ABCG2: variants seen among roughly 807,000 people sequenced by gnomAD.
ABCG2 encodes broad substrate specificity ATP-binding cassette transporter ABCG2.
Under a neutral mutation model 73.5 loss-of-function variants are expected in ABCG2, and 80 were observed. The ratio of observed to expected loss-of-function variants is 1.09; its 90% CI spans 0.91 to 1.31. The LOEUF is 1.31. ABCG2 is among the 50% of genes most tolerant of loss of function. The probability of loss-of-function intolerance (pLI) is 0.00; values close to 1 mark genes in which losing one functional copy is unlikely to be tolerated. For synonymous variants in ABCG2, 269 were observed against 282.4 expected (o/e 0.95, Z 0.48); for missense variants, 796 against 786.2 (o/e 1.01, Z -0.15).
chr4:88,118,087 A>G, intron 7 of ABCG2, 22 bp downstream of exon 7: 1 of 1,607,012 alleles, frequency 6.2e-7, no homozygotes, highest in Non-Finnish European at 8.5e-7. Flanking sequence ...AGCATTTTAC[A>G]GCATAAAAAA....
chr4:88,110,962 T>C (rs573882163), intron 9 of ABCG2, among the ~76,000 whole-genome samples: 2 of 152,290 alleles, frequency 1.3e-5, no homozygotes, highest in East Asian at 1.9e-4. Flanking sequence ...GCTCTGAACA[T>C]GGCTGGAATT....
rs1175580297 is a variant in ABCG2, at chr4:88,099,902, T to C, written c.1368-454A>G. Reference sequence around the variant, plus strand: ...TATTCTCCAAGCCCCCTAGTGCAGCTTCAGATGACTAAGCTCTTCTTACTT... The same window carrying C: ...TATTCTCCAAGCCCCCTAGTGCAGCCTCAGATGACTAAGCTCTTCTTACTT... On this transcript the variant is annotated intron_variant, in intron 11 of 15. Transcript: ENST00000237612. Among the ~76,000 whole-genome samples the C allele has an allele frequency of 2.0e-5, 3 of 152,086 alleles. No individual in the cohort carries two copies. In the East Asian group the frequency reaches 5.8e-4, roughly 29 times the overall value.
intron 1 of ABCG2, among the ~76,000 whole-genome samples, chr4:88,180,178 GA>G: frequency 6.6e-6 from 1 of 152,054 alleles, no homozygotes; most frequent in East Asian, 1.9e-4. Flanking sequence ...AGCAGCAAGA[GA>G]AAGGAAATAA....
chr4:88,186,835 C>T (rs1048957683), intron 1 of ABCG2, among the ~76,000 whole-genome samples: 5 of 143,578 alleles, frequency 3.5e-5, no homozygotes, highest in South Asian at 2.2e-4. Flanking sequence ...AGGAGAATGG[C>T]GTGAACCCGG....
At chr4:88,145,545 AG>A (rs1409795117) in intron 1 of ABCG2, among the ~76,000 whole-genome samples, 1 of 152,178 alleles carries the variant, frequency 6.6e-6, no homozygotes, top group Admixed American at 6.5e-5. Flanking sequence ...CCCGACAGAC[AG>A]GAAGAGACCC....
At chr4:88,160,249 A>AG (rs1727234235), upstream of ABCG2, among the ~76,000 whole-genome samples, 3 of 152,042 alleles carry the variant, frequency 2.0e-5, no homozygotes, top group South Asian at 6.2e-4. Flanking sequence ...CTCAAGAAAA[A>AG]AAAAAAAATT....
intron 7 of ABCG2, among the ~76,000 whole-genome samples, chr4:88,117,889 C>G (rs1723700749): frequency 6.6e-6 from 1 of 152,156 alleles, no homozygotes; most frequent in African/African-American, 2.4e-5. Flanking sequence ...TACACACATG[C>G]ATGCACATTG....
At chr4:88,161,169 A>T (rs1443011685), upstream of ABCG2, among the ~76,000 whole-genome samples, 1,666 of 141,132 alleles carry the variant, frequency 0.012, 34 homozygotes, top group African/African-American at 0.038. Flanking sequence ...TTTTTTTTTA[A>T]TTTTTTTTTT....
At chr4:88,172,241 C>T (rs1055567295) in intron 1 of ABCG2, among the ~76,000 whole-genome samples, 8 of 150,442 alleles carry the variant, frequency 5.3e-5, no homozygotes, top group African/African-American at 7.4e-5. Context: ...TTGCAGTGAG[C>T]CAAGATCACA....
chr4:88,117,561 C>T (rs1393927899), intron 7 of ABCG2, among the ~76,000 whole-genome samples: 4 of 151,942 alleles, frequency 2.6e-5, no homozygotes, highest in African/African-American at 9.7e-5. Flanking sequence ...GGTGTGAACC[C>T]GAGAGGCAGA....
chr4:88,113,854 C>T (rs1450721141), intron 8 of ABCG2, among the ~76,000 whole-genome samples: 1 of 151,924 alleles, frequency 6.6e-6, no homozygotes, highest in Admixed American at 6.6e-5. Context: ...ATCCCAGCCA[C>T]TCAGGAGGCT....
intron 8 of ABCG2, among the ~76,000 whole-genome samples, chr4:88,114,550 C>G (rs1470310245): frequency 1.3e-5 from 2 of 151,090 alleles, no homozygotes; most frequent in African/African-American, 4.9e-5. Context: ...TGGCTTGAAC[C>G]TGGGAGGCGG....
chr4:88,094,705 C>T (rs2231164), intron 14 of ABCG2, 46 bp from the exon 15 acceptor site: 1,207,622 of 1,483,750 alleles, frequency 0.81, 507,112 homozygotes, highest in Non-Finnish European at 0.87. Flanking sequence ...TTTTAAATTT[C>T]AAGAAGTTTC....
chr4:88,122,479 G>A (rs1578199694), intron 5 of ABCG2, among the ~76,000 whole-genome samples: 1 of 152,180 alleles, frequency 6.6e-6, no homozygotes, highest in East Asian at 1.9e-4. Context: ...CTTGAGCTTG[G>A]TGGGGGGAGG....
chr4:88,210,012 T>C (rs1316905362), intron 1 of ABCG2, among the ~76,000 whole-genome samples: 4 of 152,160 alleles, frequency 2.6e-5, no homozygotes, highest in Non-Finnish European at 2.9e-5. Flanking sequence ...ATCTTAAAGA[T>C]GTGTCCTATA....
chr4:88,123,597 G>A (rs773616058), intron 5 of ABCG2, among the ~76,000 whole-genome samples: 11 of 152,070 alleles, frequency 7.2e-5, no homozygotes, highest in East Asian at 3.9e-4. Flanking sequence ...GAAATAAAGC[G>A]TGAAGACAAG....
intron 1 of ABCG2, among the ~76,000 whole-genome samples, chr4:88,141,171 A>G (rs2110057941): frequency 6.6e-6 from 1 of 152,294 alleles, no homozygotes; most frequent in East Asian, 1.9e-4. Context: ...AAGCACAACG[A>G]CAAAAGTAGA....
Position 88,203,741 on chromosome 4 carries a change from C to T in ABCG2, c.-20+27253G>A, listed in dbSNP as rs376857354. Among the ~76,000 whole-genome samples, 296 of 114,400 alleles carry T rather than the reference C, an allele frequency of 2.6e-3. 1 individual carries two copies. The highest frequency in any genetic ancestry group is 9.4e-3 in the African/African-American group (278 of 29,434). The allele number at this position is 114,400 out of a possible 152,430, so 75.1% of individuals were successfully genotyped here. On this transcript the variant is annotated intron_variant, in intron 1 of 15. Transcript: ENST00000515655. ...TGCACTCCAGCCTGGGTGACAACAG[C>T]GAAACTCAGTTTCAAAAAAAAAAAA...
At chr4:88,101,147 T>C in intron 11 of ABCG2, 83 bp downstream of exon 11, 1 of 1,164,806 alleles carries the variant, frequency 8.6e-7, no homozygotes, top group Non-Finnish European at 1.3e-6. Flanking sequence ...ATCCCATCCT[T>C]GGCCCCAACC....
Sources: allele counts gnomAD v4.1 joint callset (sites outside exome capture counted in the v4.1 genomes callset), GRCh38; gene constraint gnomAD v4.1.1; transcripts MANE v1.5; gene names NCBI Gene and HGNC (gene_info 2026-07-23, HGNC 2026-07-21).